The following KHDRBS2 variants were observed in gnomAD, a reference collection of about 807,000 sequenced individuals.
KHDRBS2 encodes the protein KH domain-containing, RNA-binding, signal transduction-associated protein 2.
In KHDRBS2, 26 loss-of-function variants were observed where a neutral mutation model predicts 44.3. That is an observed-to-expected ratio of 0.59 (90% CI 0.43 to 0.81). The LOEUF is 0.81. Ranked by LOEUF, KHDRBS2 falls within the 40% of genes least tolerant of loss-of-function variation. KHDRBS2 has a pLI of 0.00. For synonymous variants in KHDRBS2, 194 were observed against 151.1 expected, an observed-to-expected ratio of 1.28 and a Z score of -2.08; for missense variants, 476 against 433.1, an observed-to-expected ratio of 1.10 and a Z score of -0.88.
At chr6:62,070,902 G>A (rs985861367) in intron 2 of KHDRBS2, among the ~76,000 whole-genome samples, 3 of 152,122 alleles carry the variant, frequency 2.0e-5, no homozygotes, top group African/African-American at 7.2e-5. Context: ...CTAGATCCTT[G>A]AGGAATGGCC....
intron 2 of KHDRBS2, among the ~76,000 whole-genome samples, chr6:62,136,143 C>T (rs542550001): frequency 6.6e-6 from 1 of 151,698 alleles, no homozygotes. Flanking sequence ...GTAACCACTT[C>T]ATTGTGCATA....
chr6:62,205,722 T>A (rs555830796), intron 1 of KHDRBS2, among the ~76,000 whole-genome samples: 1 of 152,204 alleles, frequency 6.6e-6, no homozygotes, highest in South Asian at 2.1e-4. Flanking sequence ...TCTCAGCAAG[T>A]TTCCTCCTCC....
At position 62,034,624 on chromosome 6, in the gene KHDRBS2, T is replaced by C. The variant is rs1431797315; in HGVS notation, c.336+13254A>G. 5.4e-5 allele frequency among the ~76,000 whole-genome samples: 8 copies of C among 147,422 alleles called. No individual in the cohort carries two copies. The Admixed American group carries it at 5.6e-4, about 10-fold the overall frequency. On this transcript the variant is annotated intron_variant, in intron 3 of 8. Coordinates refer to ENST00000281156, the MANE Select transcript of KHDRBS2 (RefSeq NM_152688.4). The stretch of plus-strand genomic sequence containing the variant: ...TCATGATAAAAACACTCAAAAATTG[T>C]GTATAGAAGAAACATATCTCAACAT...
intron 6 of KHDRBS2, among the ~76,000 whole-genome samples, chr6:61,773,984 T>C (rs1477495006): frequency 6.6e-6 from 1 of 152,210 alleles, no homozygotes; most frequent in Non-Finnish European, 1.5e-5. Flanking sequence ...GAGGGCTCTG[T>C]TCTGTTCCAT....
the KHDRBS2 span, among the ~76,000 whole-genome samples, chr6:61,635,439 A>G: frequency 1.3e-5 from 2 of 152,066 alleles, no homozygotes; most frequent in African/African-American, 4.8e-5. Context: ...GGGATAATAC[A>G]TCTTTTTAGA....
chr6:61,897,701 C>G (rs903327541), intron 5 of KHDRBS2, among the ~76,000 whole-genome samples: 6 of 140,858 alleles, frequency 4.3e-5, no homozygotes, highest in Admixed American at 3.4e-4. Flanking sequence ...AAGACGGTTT[C>G]TCTGTCTCTG....
chr6:61,758,199 C>A (rs1020884413), intron 6 of KHDRBS2, among the ~76,000 whole-genome samples: 4 of 152,068 alleles, frequency 2.6e-5, no homozygotes, highest in African/African-American at 9.7e-5. Context: ...TAGGGCTTAT[C>A]TTATTTGTTT....
intron 6 of KHDRBS2, among the ~76,000 whole-genome samples, chr6:61,842,916 A>C (rs1387713256): frequency 6.6e-6 from 1 of 152,152 alleles, no homozygotes; most frequent in East Asian, 1.9e-4. Context: ...TATAATCTAT[A>C]CAGATAAACT....
intron 6 of KHDRBS2, among the ~76,000 whole-genome samples, chr6:61,840,731 A>G (rs1308311652): frequency 1.3e-5 from 2 of 152,150 alleles, no homozygotes; most frequent in Non-Finnish European, 2.9e-5. Context: ...TGAATCCTCA[A>G]TGTTGCATCC....
At chr6:61,773,761 G>T (rs537863583) in intron 6 of KHDRBS2, among the ~76,000 whole-genome samples, 1 of 151,658 alleles carries the variant, frequency 6.6e-6, no homozygotes, top group Non-Finnish European at 1.5e-5. Context: ...TTCTTCTAGG[G>T]TTTTTATGGT....
the KHDRBS2 span, among the ~76,000 whole-genome samples, chr6:61,673,028 G>A: frequency 2.0e-5 from 3 of 151,686 alleles, no homozygotes; most frequent in South Asian, 2.1e-4. Context: ...TTTGTATAAG[G>A]TGTAAGGAAG....
At chr6:61,628,234 TTTTTTTTC>T in the KHDRBS2 span, among the ~76,000 whole-genome samples, 8 of 98,940 alleles carry the variant, frequency 8.1e-5, no homozygotes, top group Admixed American at 2.4e-4. Flanking sequence ...TTTTTTTTTT[TTTTTTTTC>T]AACCTGGGCT....
chr6:62,007,290 AAC>A (rs1164409987), intron 3 of KHDRBS2, among the ~76,000 whole-genome samples: 1 of 152,070 alleles, frequency 6.6e-6, no homozygotes, highest in Admixed American at 6.5e-5. Flanking sequence ...TTTCTGTTTA[AAC>A]AGTTTGTTGT....
At chr6:62,210,001 C>G (rs541034170) in intron 1 of KHDRBS2, among the ~76,000 whole-genome samples, 1 of 152,130 alleles carries the variant, frequency 6.6e-6, no homozygotes, top group Non-Finnish European at 1.5e-5. Flanking sequence ...TATTGAGGTA[C>G]TTCATCTTGT....
chr6:61,656,323 T>C, the KHDRBS2 span, among the ~76,000 whole-genome samples: 3 of 151,982 alleles, frequency 2.0e-5, no homozygotes, highest in African/African-American at 7.2e-5. Flanking sequence ...GTGCATCATA[T>C]ATATTAACTC....
the KHDRBS2 span, among the ~76,000 whole-genome samples, chr6:61,637,799 T>G: frequency 2.0e-5 from 3 of 152,150 alleles, no homozygotes; most frequent in African/African-American, 7.2e-5. Flanking sequence ...GGTGAGCATT[T>G]TTTCATGTGT....
chr6:61,887,728 C>G (rs370147861), intron 6 of KHDRBS2, among the ~76,000 whole-genome samples: 1 of 152,144 alleles, frequency 6.6e-6, no homozygotes, highest in Non-Finnish European at 1.5e-5. Context: ...GAAATTTTAT[C>G]TGAAAGTTAA....
At chr6:62,077,081 C>A (rs1326243322) in intron 2 of KHDRBS2, among the ~76,000 whole-genome samples, 1 of 151,960 alleles carries the variant, frequency 6.6e-6, no homozygotes, top group Admixed American at 6.6e-5. Context: ...TAAATTTACT[C>A]CAAGATCTTG....
chr6:62,170,751 C>A (rs916937568), intron 2 of KHDRBS2, among the ~76,000 whole-genome samples: 1 of 152,034 alleles, frequency 6.6e-6, no homozygotes, highest in African/African-American at 2.4e-5. Flanking sequence ...TTATCCTCCC[C>A]AGCACAGCAG....
Sources: gnomAD v4.1 joint callset for allele counts (sites outside exome capture counted in the v4.1 genomes callset) on GRCh38, gnomAD v4.1.1 for gene constraint, MANE v1.5 for transcripts, NCBI Gene and HGNC (gene_info 2026-07-23, HGNC 2026-07-21) for gene names.